The following ZSWIM5 variants were observed in gnomAD, a reference collection of about 807,000 sequenced individuals.
The protein encoded by ZSWIM5 is zinc finger SWIM-type containing 5.
ZSWIM5 carries 55 observed loss-of-function variants against 119.6 expected under a neutral mutation model. The ratio of observed to expected loss-of-function variants is 0.46; its 90% CI spans 0.37 to 0.58. The LOEUF (loss-of-function observed/expected upper bound fraction) is 0.58. Ranked by LOEUF, ZSWIM5 falls within the 20% of genes least tolerant of loss-of-function variation. The pLI, the probability that ZSWIM5 is intolerant of heterozygous loss-of-function variation, is 0.00. For synonymous variants in ZSWIM5, 537 were observed against 606.9 expected, an observed-to-expected ratio of 0.88 and a Z score of 1.69; for missense variants, 1,193 against 1,512.8, an observed-to-expected ratio of 0.79 and a Z score of 3.51.
At chr1:45,118,751 AAAAAG>A (rs1291385489) in intron 1 of ZSWIM5, among the ~76,000 whole-genome samples, 126 of 150,218 alleles carry the variant, frequency 8.4e-4, no homozygotes, top group Middle Eastern at 3.4e-3. Flanking sequence ...AAAAAAAAAA[AAAAAG>A]AAAAGAAAAG....
chr1:45,115,001 TTC>T (rs1645542096), intron 1 of ZSWIM5, among the ~76,000 whole-genome samples: 2 of 152,314 alleles, frequency 1.3e-5, no homozygotes, highest in Non-Finnish European at 2.9e-5. Context: ...GCAGAAGAAT[TTC>T]TCTCAGTACA....
chr1:45,066,606 T>C (rs1387328960), intron 2 of ZSWIM5, among the ~76,000 whole-genome samples: 1 of 151,956 alleles, frequency 6.6e-6, no homozygotes, highest in Non-Finnish European at 1.5e-5. Flanking sequence ...GGAGGGAGGA[T>C]AGAAATAGTA....
At chr1:45,183,396 A>G (rs1442949995) in intron 1 of ZSWIM5, among the ~76,000 whole-genome samples, 1 of 152,172 alleles carries the variant, frequency 6.6e-6, no homozygotes, top group Non-Finnish European at 1.5e-5. Flanking sequence ...AATAACTAAA[A>G]TCAGAGCAGA....
chr1:45,133,266 A>C (rs903038728), intron 1 of ZSWIM5, among the ~76,000 whole-genome samples: 19 of 152,226 alleles, frequency 1.2e-4, no homozygotes, highest in African/African-American at 3.1e-4. Flanking sequence ...CACATCCTCT[A>C]CAGCACCTGT....
At chr1:45,036,338 T>C (rs756326749) in intron 8 of ZSWIM5, 39 bp from the exon 9 acceptor site, 4 of 1,554,264 alleles carry the variant, frequency 2.6e-6, no homozygotes, top group Non-Finnish European at 3.4e-6. Flanking sequence ...AGGTTAGGCT[T>C]GGTAGAGTCT....
chr1:45,203,108 T>C (rs1646167717), intron 1 of ZSWIM5, among the ~76,000 whole-genome samples: 1 of 152,026 alleles, frequency 6.6e-6, no homozygotes, highest in South Asian at 2.1e-4. Context: ...ATTTTCCCCT[T>C]TTAAAAGGAA....
intron 1 of ZSWIM5, among the ~76,000 whole-genome samples, chr1:45,147,995 TCAAA>T (rs1230688189): frequency 6.6e-6 from 1 of 152,158 alleles, no homozygotes; most frequent in African/African-American, 2.4e-5. Flanking sequence ...GGGATTGTAA[TCAAA>T]CAAAGTGGTT....
chr1:45,084,381 T>G (rs1263185463), intron 2 of ZSWIM5, among the ~76,000 whole-genome samples: 2 of 152,144 alleles, frequency 1.3e-5, no homozygotes, highest in African/African-American at 4.8e-5. Flanking sequence ...AACCATATCA[T>G]TCTGCCCCTG....
chr1:45,044,592 C>T (rs1267288738), intron 5 of ZSWIM5, among the ~76,000 whole-genome samples: 1 of 144,846 alleles, frequency 6.9e-6, no homozygotes, highest in African/African-American at 2.6e-5. Context: ...GGCATGGTGG[C>T]GGGCGCCTGT....
intron 2 of ZSWIM5, among the ~76,000 whole-genome samples, chr1:45,085,988 TA>T (rs1018311903): frequency 6.6e-6 from 1 of 152,136 alleles, no homozygotes. Flanking sequence ...TGCACTGCTA[TA>T]AAAAAATACC....
intron 1 of ZSWIM5, among the ~76,000 whole-genome samples, chr1:45,171,485 G>A (rs979150078): frequency 4.6e-5 from 7 of 151,946 alleles, no homozygotes; most frequent in African/African-American, 7.2e-5. Context: ...TCTCTGAAAC[G>A]AAAGTCTACT....
chr1:45,075,539 G>T (rs1460217867), intron 2 of ZSWIM5, among the ~76,000 whole-genome samples: 1 of 151,800 alleles, frequency 6.6e-6, no homozygotes, highest in Non-Finnish European at 1.5e-5. Context: ...GCTCCTTTTT[G>T]TTTCCATTGA....
chr1:45,106,943 C>T (rs921576202), intron 1 of ZSWIM5, among the ~76,000 whole-genome samples: 9 of 152,166 alleles, frequency 5.9e-5, no homozygotes, highest in African/African-American at 1.9e-4. Flanking sequence ...GAAACATGTG[C>T]GTGTCAACTC....
rs1645342525 is a variant in ZSWIM5, at chr1:45,088,097, C to A, written c.736G>T (p.Ala246Ser). ...GCGNKDIFYC[A>S]HVVALSLYRI... ...TAGAGTGAGAGTGCTACCACATGGG[C>A]ACAGTAGAATATGTCCTTGTTCCCA... is the stretch of plus-strand genomic sequence containing the variant. Residue 246 changes from alanine (A) to serine (S), a missense_variant, in exon 2 of 14, where the codon GCC (alanine) becomes TCC (serine). Physicochemically the swap from Ala to Ser is moderately conservative, Grantham distance 99. Transcript: ENST00000359600. The surrounding 1 kb of genome is among the most constrained non-coding windows in gnomAD (Gnocchi z 4.2). The A allele has an allele frequency of 6.2e-7, 1 of 1,614,164 alleles. No homozygotes were observed. The highest frequency in any genetic ancestry group is 8.5e-7 in the Non-Finnish European group (1 of 1,180,032).
At chr1:45,044,762 T>TATATATAA (rs1645039574) in intron 5 of ZSWIM5, among the ~76,000 whole-genome samples, 4 of 954 alleles carry the variant, frequency 4.2e-3, no homozygotes, top group African/African-American at 8.8e-3. Context: ...TATATATATA[T>TATATATAA]ATATATATAT....
At chr1:45,092,284 T>C (rs1645370530) in intron 1 of ZSWIM5, among the ~76,000 whole-genome samples, 1 of 152,078 alleles carries the variant, frequency 6.6e-6, no homozygotes. Context: ...TGGTAAGTTT[T>C]TTTGTTTGTT....
At chr1:45,198,423 T>A (rs1646138447) in intron 1 of ZSWIM5, among the ~76,000 whole-genome samples, 1 of 152,136 alleles carries the variant, frequency 6.6e-6, no homozygotes, top group African/African-American at 2.4e-5. Flanking sequence ...ATGGCAACAG[T>A]TTTTTAGGAT....
At position 45,109,989 on chromosome 1, in the gene ZSWIM5, C is replaced by A. The variant is rs190829379; in HGVS notation, c.596-21752G>T. Among the ~76,000 whole-genome samples the A allele has an allele frequency of 1.8e-4, 27 of 152,214 alleles. No individual in the cohort carries two copies. The East Asian group carries it at 1.9e-3, about 11-fold the overall frequency. On this transcript the variant is annotated intron_variant, in intron 1 of 13. Coordinates refer to ENST00000359600, the MANE Select transcript of ZSWIM5 (RefSeq NM_020883.2). ...AAGCGATCCTCCCGCCTCAGCCTCC[C>A]AGCAAGCTGGGACCACAGATGCACA...
intron 1 of ZSWIM5, among the ~76,000 whole-genome samples, chr1:45,195,956 C>T (rs1404616568): frequency 1.3e-5 from 2 of 151,212 alleles, no homozygotes; most frequent in African/African-American, 4.9e-5. Context: ...CAGCCTTAAC[C>T]TCCCAGGCTC....
Sources: allele counts gnomAD v4.1 joint callset (sites outside exome capture counted in the v4.1 genomes callset), GRCh38; gene constraint gnomAD v4.1.1; non-coding constraint Gnocchi (gnomAD v3.1); transcripts MANE v1.5; gene names NCBI Gene and HGNC (gene_info 2026-07-23, HGNC 2026-07-21).